The following CCDC91 variants were observed in gnomAD, a reference collection of about 807,000 sequenced individuals.
CCDC91 encodes the protein coiled-coil domain-containing protein 91.
Under a neutral mutation model 63.2 loss-of-function variants are expected in CCDC91, and 48 were observed. That is an observed-to-expected ratio of 0.76 (90% CI 0.60 to 0.97). CCDC91 has a LOEUF of 0.97. Ranked by LOEUF, CCDC91 falls within the 50% of genes least tolerant of loss-of-function variation. CCDC91 has a pLI of 0.00. For missense variants in CCDC91, 500 were observed against 494.6 expected (o/e 1.01, Z -0.10); for synonymous variants, 167 against 165.8 (o/e 1.01, Z -0.06).
At chr12:28,335,733 A>T (rs1230001294) in intron 6 of CCDC91, among the ~76,000 whole-genome samples, 1 of 152,034 alleles carries the variant, frequency 6.6e-6, no homozygotes, top group African/African-American at 2.4e-5. Context: ...AAAGTATTTT[A>T]TTTAAATACT....
At chr12:28,255,230 T>C (rs772971672) in intron 1 of CCDC91, among the ~76,000 whole-genome samples, 11 of 152,190 alleles carry the variant, frequency 7.2e-5, no homozygotes, top group Non-Finnish European at 1.5e-4. Flanking sequence ...ATTTTCAAAT[T>C]TTCTGTCACC....
At chr12:28,308,007 T>G (rs184253013) in intron 6 of CCDC91, among the ~76,000 whole-genome samples, 8 of 152,170 alleles carry the variant, frequency 5.3e-5, no homozygotes, top group Admixed American at 4.6e-4. Flanking sequence ...GGATACATTT[T>G]GGGAACTGTT....
At chr12:28,462,737 G>A (rs1950366464) in intron 11 of CCDC91, among the ~76,000 whole-genome samples, 2 of 152,124 alleles carry the variant, frequency 1.3e-5, no homozygotes, top group South Asian at 2.1e-4. Context: ...GGGATATCCA[G>A]TTGGTAAGAT....
chr12:28,345,050 T>C (rs1301863890), intron 6 of CCDC91, among the ~76,000 whole-genome samples: 1 of 152,072 alleles, frequency 6.6e-6, no homozygotes, highest in African/African-American at 2.4e-5. Context: ...TAATAATATA[T>C]TTTTTGAAAT....
At chr12:28,368,552 A>C (rs1289169560) in intron 7 of CCDC91, among the ~76,000 whole-genome samples, 1 of 152,182 alleles carries the variant, frequency 6.6e-6, no homozygotes, top group Non-Finnish European at 1.5e-5. Context: ...TGGGGTGGTG[A>C]AATCTCTAAA....
At chr12:28,275,173 A>T (rs1220966141) in intron 3 of CCDC91, among the ~76,000 whole-genome samples, 1 of 152,284 alleles carries the variant, frequency 6.6e-6, no homozygotes, top group East Asian at 1.9e-4. Flanking sequence ...AAATCAATGA[A>T]TCCAGGAGCT....
intron 1 of CCDC91, chr12:28,198,793 G>C (rs1472840929): frequency 1.3e-5 from 2 of 150,234 alleles, no homozygotes; most frequent in Non-Finnish European, 3.0e-5. Context: ...ATTTATGTCT[G>C]TCATTTTGCT....
intron 7 of CCDC91, among the ~76,000 whole-genome samples, chr12:28,370,213 A>G (rs1402202359): frequency 6.6e-6 from 1 of 152,196 alleles, no homozygotes; most frequent in Non-Finnish European, 1.5e-5. Context: ...ATGTGAGATC[A>G]TCTCTTTGTG....
chr12:28,467,021 G>A (rs1950579386), intron 11 of CCDC91, among the ~76,000 whole-genome samples: 1 of 152,182 alleles, frequency 6.6e-6, no homozygotes. Context: ...ACAATTTTAA[G>A]TTGTTATGAG....
chr12:28,204,200 G>A (rs576794452), intron 1 of CCDC91, among the ~76,000 whole-genome samples: 1 of 152,072 alleles, frequency 6.6e-6, no homozygotes, highest in Non-Finnish European at 1.5e-5. Flanking sequence ...TCAAAAAATT[G>A]GTAAGAACAT....
intron 3 of CCDC91, among the ~76,000 whole-genome samples, chr12:28,289,688 T>TTC (rs1555175693): frequency 3.6e-5 from 3 of 83,428 alleles, no homozygotes; most frequent in Admixed American, 3.3e-4. Context: ...TTCTTTTCTT[T>TTC]TTTTTTTTTT....
At chr12:28,444,776 C>T (rs1346996336) in intron 8 of CCDC91, among the ~76,000 whole-genome samples, 2 of 152,062 alleles carry the variant, frequency 1.3e-5, no homozygotes, top group African/African-American at 4.8e-5. Flanking sequence ...AGCAAACCAA[C>T]GTGACACAAG....
At chr12:28,269,818 A>G (rs1947617442) in intron 3 of CCDC91, among the ~76,000 whole-genome samples, 1 of 152,068 alleles carries the variant, frequency 6.6e-6, no homozygotes, top group African/African-American at 2.4e-5. Context: ...TGTACCTGTT[A>G]TTAGGAATCT....
At chr12:28,549,034 T>TTC (rs768957757) in intron 12 of CCDC91, 29 bp from the exon 13 acceptor site, 3 of 1,445,828 alleles carry the variant, frequency 2.1e-6, no homozygotes, top group Non-Finnish European at 1.9e-6. Flanking sequence ...TTTTTTCTCT[T>TTC]TCTCTCTCTC....
intron 8 of CCDC91, among the ~76,000 whole-genome samples, chr12:28,435,775 A>G (rs1411558713): frequency 6.6e-6 from 1 of 151,606 alleles, no homozygotes; most frequent in Non-Finnish European, 1.5e-5. Context: ...TTTCTCCCAT[A>G]TTGATACTTT....
Position 28,206,196 on chromosome 12 carries a change from T to C in CCDC91, c.-15+15555T>C, listed in dbSNP as rs541928312. Among the ~76,000 whole-genome samples, 8 of 152,328 alleles carry C rather than the reference T, an allele frequency of 5.3e-5. No individual in the cohort carries two copies. The South Asian group carries it at 1.7e-3, about 32-fold the overall frequency. ...GTCTGTTGGGGCCTAGTGAGTGAGCTCAGTCTAAAACAATGGCCACCCATA... is the reference window on the plus strand; with the variant it reads ...GTCTGTTGGGGCCTAGTGAGTGAGCCCAGTCTAAAACAATGGCCACCCATA... On this transcript the variant is annotated intron_variant, in intron 1 of 12. Transcript: ENST00000536442.
At chr12:28,494,524 A>T (rs773536843) in intron 12 of CCDC91, among the ~76,000 whole-genome samples, 2 of 151,714 alleles carry the variant, frequency 1.3e-5, no homozygotes, top group Non-Finnish European at 2.9e-5. Flanking sequence ...TTCATGTGCT[A>T]TATCTTACAC....
intron 1 of CCDC91, among the ~76,000 whole-genome samples, chr12:28,249,916 T>C (rs1390540411): frequency 6.6e-6 from 1 of 152,114 alleles, no homozygotes. Context: ...AATTTTGAGT[T>C]GATAGAGGGA....
chr12:28,353,790 T>C (rs1943340200), intron 6 of CCDC91, among the ~76,000 whole-genome samples: 1 of 152,138 alleles, frequency 6.6e-6, no homozygotes, highest in South Asian at 2.1e-4. Flanking sequence ...TTTGAAATAT[T>C]GTTACAATTA....
Sources: gnomAD v4.1 joint callset for allele counts (sites outside exome capture counted in the v4.1 genomes callset) on GRCh38, gnomAD v4.1.1 for gene constraint, MANE v1.5 for transcripts, NCBI Gene and HGNC (gene_info 2026-07-23, HGNC 2026-07-21) for gene names.